The following PTPRD variants were observed in gnomAD, a reference collection of about 807,000 sequenced individuals.
The protein encoded by PTPRD is protein tyrosine phosphatase receptor type D.
PTPRD carries 34 observed loss-of-function variants against 214.5 expected under a neutral mutation model. The observed-to-expected ratio is 0.16, with a 90% confidence interval of 0.12 to 0.21. The LOEUF (loss-of-function observed/expected upper bound fraction) is 0.21, where lower values mean the gene tolerates loss of function less well. PTPRD is among the 10% of genes least tolerant of loss of function. The probability of loss-of-function intolerance (pLI) is 1.00; values close to 1 mark genes in which losing one functional copy is unlikely to be tolerated. For missense variants in PTPRD, 2,545 were observed against 2,398.7 expected (o/e 1.06, Z -1.27); for synonymous variants, 1,128 against 845.7 (o/e 1.33, Z -5.79).
intron 9 of PTPRD, among the ~76,000 whole-genome samples, chr9:9,246,274 T>C (rs1359324554): frequency 3.3e-5 from 5 of 152,056 alleles, no homozygotes; most frequent in African/African-American, 1.2e-4. Context: ...TACTTTCAGG[T>C]TTTTCTCACA....
chr9:9,382,138 C>T lies in PTPRD; in HGVS notation c.-203+15311G>A, dbSNP rs115108998. ...CCTAAGTATTTTACTCTTTTTTGTGCTATTGTAAATGGGATTTTTTTTCTT... is the reference window on the plus strand; with the variant it reads ...CCTAAGTATTTTACTCTTTTTTGTGTTATTGTAAATGGGATTTTTTTTCTT... On this transcript the variant is annotated intron_variant, in intron 9 of 45. Coordinates refer to ENST00000381196, the MANE Select transcript of PTPRD (RefSeq NM_002839.4). Among the ~76,000 whole-genome samples the T allele has an allele frequency of 9.8e-3, 1,449 of 148,300 alleles. 22 individuals are homozygous for T. Among genetic ancestry groups the T allele is most frequent in the African/African-American group, 0.034 (1,371 of 40,558 alleles).
At chr9:8,407,358 AATT>A (rs1419620206) in intron 35 of PTPRD, among the ~76,000 whole-genome samples, 2 of 152,158 alleles carry the variant, frequency 1.3e-5, no homozygotes, top group Non-Finnish European at 2.9e-5. Flanking sequence ...AGATTAATTT[AATT>A]ATTCTTACTG....
At chr9:10,518,535 ATT>A (rs370269291) in intron 2 of PTPRD, among the ~76,000 whole-genome samples, 1 of 145,844 alleles carries the variant, frequency 6.9e-6, no homozygotes. Flanking sequence ...ATCATTTACA[ATT>A]TTTTTTTTTT....
chr9:9,322,638 C>T (rs1210105285), intron 9 of PTPRD, among the ~76,000 whole-genome samples: 1 of 152,138 alleles, frequency 6.6e-6, no homozygotes, highest in Non-Finnish European at 1.5e-5. Context: ...ACTTGGATCA[C>T]TGCCCTGTTT....
intron 11 of PTPRD, among the ~76,000 whole-genome samples, chr9:8,737,630 A>C (rs2090780626): frequency 6.6e-6 from 1 of 151,906 alleles, no homozygotes; most frequent in Non-Finnish European, 1.5e-5. Context: ...GCAGAAGCCA[A>C]CCCTTTGATT....
At chr9:9,882,662 G>C (rs894602548) in intron 5 of PTPRD, among the ~76,000 whole-genome samples, 11 of 152,088 alleles carry the variant, frequency 7.2e-5, no homozygotes, top group African/African-American at 2.7e-4. Flanking sequence ...TCTCCATTTA[G>C]GTTGTGCATT....
chr9:10,443,943 T>C (rs1404651736), intron 2 of PTPRD, among the ~76,000 whole-genome samples: 3 of 151,672 alleles, frequency 2.0e-5, no homozygotes, highest in African/African-American at 7.3e-5. Context: ...TCCTATAAGT[T>C]GCTTTACTCT....
intron 8 of PTPRD, among the ~76,000 whole-genome samples, chr9:9,572,549 G>A (rs1009650860): frequency 5.6e-5 from 7 of 125,306 alleles, no homozygotes; most frequent in Admixed American, 5.5e-4. Context: ...ATATACAATG[G>A]CATATATATA....
chr9:8,510,721 G>A (rs1167850302), intron 21 of PTPRD, among the ~76,000 whole-genome samples: 1 of 152,062 alleles, frequency 6.6e-6, no homozygotes, highest in Non-Finnish European at 1.5e-5. Context: ...CGGGAACTGA[G>A]GGTGTACCTA....
At position 8,371,681 on chromosome 9, in the gene PTPRD, A is replaced by T. The variant is rs144060040; in HGVS notation, c.4661+4255T>A. The stretch of plus-strand genomic sequence containing the variant: ...TTAAAGAAATTCATGCTCAAATTTT[A>T]AAAAAATTATCGTGTATATCAACAA... On this transcript the variant is annotated intron_variant, in intron 39 of 45. Transcript: ENST00000381196. 3.3e-3 allele frequency among the ~76,000 whole-genome samples: 509 copies of T among 152,170 alleles called. 4 individuals are homozygous for T. Among genetic ancestry groups the T allele is most frequent in the African/African-American group, 0.011 (468 of 41,550 alleles).
chr9:9,065,597 T>C (rs1479953779), intron 10 of PTPRD, among the ~76,000 whole-genome samples: 1 of 152,164 alleles, frequency 6.6e-6, no homozygotes, highest in East Asian at 1.9e-4. Flanking sequence ...AGTTATAATG[T>C]ACAGACTTAC....
At chr9:9,488,394 C>T (rs923475021) in intron 8 of PTPRD, among the ~76,000 whole-genome samples, 8 of 152,034 alleles carry the variant, frequency 5.3e-5, no homozygotes, top group East Asian at 3.9e-4. Flanking sequence ...TTCCAGTATA[C>T]GCCAAGACCT....
At chr9:10,120,531 TATC>T (rs2098766167) in intron 3 of PTPRD, among the ~76,000 whole-genome samples, 1 of 152,052 alleles carries the variant, frequency 6.6e-6, no homozygotes, top group Non-Finnish European at 1.5e-5. Context: ...TCAATCATAA[TATC>T]AGTGCACTTT....
At chr9:9,545,833 T>C (rs1316257944) in intron 8 of PTPRD, among the ~76,000 whole-genome samples, 3 of 151,848 alleles carry the variant, frequency 2.0e-5, no homozygotes, top group African/African-American at 7.2e-5. Context: ...ATCTACAAAA[T>C]AACTTGCTGA....
At chr9:10,268,584 C>G (rs937380221) in intron 3 of PTPRD, among the ~76,000 whole-genome samples, 23 of 152,108 alleles carry the variant, frequency 1.5e-4, no homozygotes, top group African/African-American at 5.3e-4. Context: ...ATTGATCTTT[C>G]TATTTCATCA....
intron 3 of PTPRD, among the ~76,000 whole-genome samples, chr9:10,068,701 G>A (rs1728034851): frequency 6.6e-6 from 1 of 151,584 alleles, no homozygotes; most frequent in South Asian, 2.1e-4. Context: ...TATTGCCTCT[G>A]CTAGGACTGA....
chr9:10,523,601 G>GTGTATATATATA, intron 2 of PTPRD, among the ~76,000 whole-genome samples: 1 of 64,352 alleles, frequency 1.6e-5, no homozygotes, highest in South Asian at 7.5e-4. Context: ...ATATTTATCT[G>GTGTATATATATA]TATATATATA....
intron 32 of PTPRD, among the ~76,000 whole-genome samples, chr9:8,463,920 G>C (rs1591223698): frequency 6.6e-6 from 1 of 151,932 alleles, no homozygotes; most frequent in South Asian, 2.1e-4. Flanking sequence ...TCCTAGGCCT[G>C]CAAATATTTA....
chr9:10,345,732 CAT>C (rs1169828827), intron 2 of PTPRD, among the ~76,000 whole-genome samples: 2 of 152,136 alleles, frequency 1.3e-5, no homozygotes, highest in African/African-American at 4.8e-5. Context: ...CATACGTGTG[CAT>C]ATGTCTTTAT....
Sources: gnomAD v4.1 joint callset for allele counts (sites outside exome capture counted in the v4.1 genomes callset) on GRCh38, gnomAD v4.1.1 for gene constraint, MANE v1.5 for transcripts, NCBI Gene and HGNC (gene_info 2026-07-23, HGNC 2026-07-21) for gene names.